The following ADGRB3 variants were observed in gnomAD, a reference collection of about 807,000 sequenced individuals.
ADGRB3 encodes the protein brain-specific angiogenesis inhibitor 3.
Under a neutral mutation model 193.4 loss-of-function variants are expected in ADGRB3, and 37 were observed. That is an observed-to-expected ratio of 0.19 (90% CI 0.15 to 0.25). The LOEUF (loss-of-function observed/expected upper bound fraction) is 0.25, where lower values mean the gene tolerates loss of function less well. Ranked by LOEUF, ADGRB3 falls within the 10% of genes least tolerant of loss-of-function variation. ADGRB3 has a pLI of 1.00. For missense variants in ADGRB3, 1,637 were observed against 1,852.9 expected (o/e 0.88, Z 2.14); for synonymous variants, 690 against 644.2 (o/e 1.07, Z -1.08).
At chr6:69,382,125 G>A (rs1769962301) in intron 30 of ADGRB3, among the ~76,000 whole-genome samples, 1 of 151,874 alleles carries the variant, frequency 6.6e-6, no homozygotes, top group Non-Finnish European at 1.5e-5. Context: ...TGTAACCAGG[G>A]ATGAGGAGTA....
intron 20 of ADGRB3, among the ~76,000 whole-genome samples, chr6:69,245,727 G>A (rs746937287): frequency 6.6e-6 from 1 of 151,990 alleles, no homozygotes; most frequent in East Asian, 1.9e-4. Flanking sequence ...TCCCATTAGA[G>A]AAAACCCTGC....
rs3831272 is a variant in ADGRB3 at position 68,956,301 on chromosome 6, ATGTG to A, written c.1360+137_1360+140del. 5,272 of 876,314 alleles carry A rather than the reference ATGTG, an allele frequency of 6.0e-3. 113 individuals are homozygous for A. The highest frequency in any genetic ancestry group is 0.052 in the African/African-American group (2,897 of 56,172). 54.3% of individuals were successfully genotyped at this position (876,314 alleles called of 1,614,324 possible). A position where few individuals can be genotyped will look rare whatever the true frequency, so the allele number is the denominator to read the frequency against. ...GAAAGAAGATAATCATTATATATAT[ATGTG>A]TGTGTGTGTGTGTGTGTGTGTGTAT... On this transcript the variant is annotated intron_variant, in intron 7 of 31. Coordinates refer to ENST00000370598, the MANE Select transcript of ADGRB3 (RefSeq NM_001704.3).
chr6:69,126,272 TACAC>T (rs1412550506), intron 17 of ADGRB3, among the ~76,000 whole-genome samples: 2 of 151,574 alleles, frequency 1.3e-5, no homozygotes, highest in Admixed American at 6.6e-5. Flanking sequence ...CATACATACA[TACAC>T]ACATAGATAA....
intron 3 of ADGRB3, among the ~76,000 whole-genome samples, chr6:68,890,166 GTTATC>G (rs1403199611): frequency 6.6e-6 from 1 of 152,144 alleles, no homozygotes; most frequent in Non-Finnish European, 1.5e-5. Context: ...CATCAAAGAT[GTTATC>G]TTATCTGTTC....
intron 3 of ADGRB3, among the ~76,000 whole-genome samples, chr6:68,779,012 C>T (rs768410023): frequency 1.3e-5 from 2 of 151,914 alleles, no homozygotes; most frequent in Non-Finnish European, 1.5e-5. Flanking sequence ...TGGGTGATGA[C>T]TTGGCAAGAA....
At chr6:69,178,764 C>T (rs1775501964) in intron 17 of ADGRB3, among the ~76,000 whole-genome samples, 1 of 152,182 alleles carries the variant, frequency 6.6e-6, no homozygotes, top group Admixed American at 6.5e-5. Flanking sequence ...TTTAAGAATA[C>T]TGAAAATAGT....
intron 3 of ADGRB3, among the ~76,000 whole-genome samples, chr6:68,900,980 A>G (rs548315423): frequency 1.3e-5 from 2 of 152,294 alleles, no homozygotes; most frequent in Middle Eastern, 3.4e-3. Flanking sequence ...AGGAAATAAA[A>G]CATGCTAATA....
chr6:69,361,353 T>C lies in ADGRB3; in HGVS notation c.4080T>C (p.Asn1360=). Reference sequence around the variant, plus strand: ...ATCCCCCTGTAATGGACCAGTTCAATATGAACTTAGAGCAACATCTCGCAC... The same window carrying C: ...ATCCCCCTGTAATGGACCAGTTCAACATGAACTTAGAGCAACATCTCGCAC... ...NMNPPVMDQF[N]MNLEQHLAPQ... is the part of the protein sequence containing the mutation. The change falls in exon 29 of 32, where the codon AAT becomes AAC. Residue 1360 remains asparagine (N), a synonymous_variant. Coordinates refer to ENST00000370598, the MANE Select transcript of ADGRB3 (RefSeq NM_001704.3). 6.2e-7 allele frequency: 1 copy of C among 1,613,040 alleles called. No homozygotes were observed. Among genetic ancestry groups the C allele is most frequent in the Non-Finnish European group, 8.5e-7 (1 of 1,179,268 alleles).
intron 3 of ADGRB3, among the ~76,000 whole-genome samples, chr6:68,861,358 G>A (rs181416737): frequency 6.6e-6 from 1 of 152,188 alleles, no homozygotes; most frequent in Admixed American, 6.5e-5. Context: ...CAGATCACAA[G>A]GTCAGGAGAC....
intron 22 of ADGRB3, among the ~76,000 whole-genome samples, chr6:69,329,258 G>T (rs976434170): frequency 3.3e-5 from 5 of 151,978 alleles, no homozygotes; most frequent in African/African-American, 9.7e-5. Context: ...TCAGACTAAG[G>T]TTTTTTTCTC....
At chr6:68,852,589 T>C (rs1582255466) in intron 3 of ADGRB3, among the ~76,000 whole-genome samples, 1 of 152,010 alleles carries the variant, frequency 6.6e-6, no homozygotes, top group African/African-American at 2.4e-5. Flanking sequence ...TTGGCTTCAT[T>C]AAACATTTTG....
At chr6:69,084,373 A>G (rs540200804) in intron 17 of ADGRB3, among the ~76,000 whole-genome samples, 1 of 152,342 alleles carries the variant, frequency 6.6e-6, no homozygotes, top group African/African-American at 2.4e-5. Flanking sequence ...AAAACAAAGC[A>G]AACTACCAAA....
At chr6:69,088,765 A>G (rs537269229) in intron 17 of ADGRB3, among the ~76,000 whole-genome samples, 5 of 152,348 alleles carry the variant, frequency 3.3e-5, no homozygotes, top group East Asian at 1.9e-4. Flanking sequence ...GAAAATACAA[A>G]GTGATTCCGT....
chr6:68,683,064 C>T (rs958413306), intron 3 of ADGRB3, among the ~76,000 whole-genome samples: 9 of 152,048 alleles, frequency 5.9e-5, no homozygotes, highest in African/African-American at 1.2e-4. Context: ...GGATTATAGG[C>T]ATGAGCCACC....
chr6:68,842,528 G>A lies in ADGRB3; in HGVS notation c.758-88031G>A, dbSNP rs957507308. Among the ~76,000 whole-genome samples, 68 of 151,804 alleles carry A rather than the reference G, an allele frequency of 4.5e-4. 2 individuals are homozygous for A. The highest frequency in any genetic ancestry group is 4.5e-3 in the Admixed American group (68 of 15,228). On this transcript the variant is annotated intron_variant, in intron 3 of 31. Transcript: ENST00000370598. ...AACCAGATCAAGGCCATAAGAAAAG[G>A]CCTCCCAGGAAAGTAAAACCCTCAA...
At chr6:69,082,890 G>A (rs1404130368) in intron 17 of ADGRB3, among the ~76,000 whole-genome samples, 3 of 152,144 alleles carry the variant, frequency 2.0e-5, no homozygotes, top group Non-Finnish European at 4.4e-5. Flanking sequence ...GGATAAAAGT[G>A]CATTCCTCCA....
chr6:69,316,933 A>G (rs1163394169), intron 20 of ADGRB3, among the ~76,000 whole-genome samples: 2 of 151,538 alleles, frequency 1.3e-5, no homozygotes, highest in Admixed American at 6.6e-5. Context: ...GAGTGAATAC[A>G]TAAGATAACT....
At chr6:69,010,683 G>T (rs938853602) in intron 11 of ADGRB3, among the ~76,000 whole-genome samples, 1 of 151,400 alleles carries the variant, frequency 6.6e-6, no homozygotes, top group Middle Eastern at 3.4e-3. Context: ...GTTAAACTGG[G>T]TCTGCCTCGT....
intron 20 of ADGRB3, among the ~76,000 whole-genome samples, chr6:69,321,815 A>G (rs746997925): frequency 7.2e-5 from 11 of 151,896 alleles, no homozygotes; most frequent in Non-Finnish European, 1.3e-4. Context: ...AATATGACAT[A>G]TAAGTAGAAA....
Sources: allele counts gnomAD v4.1 joint callset (sites outside exome capture counted in the v4.1 genomes callset), GRCh38; gene constraint gnomAD v4.1.1; transcripts MANE v1.5; gene names NCBI Gene and HGNC (gene_info 2026-07-23, HGNC 2026-07-21).